Variants in TBC1D9B observed in about 807,000 individuals in gnomAD.
TBC1D9B encodes TBC1 domain family member 9B, also known as TBC1 domain family, member 9B (with GRAM domain).
In TBC1D9B, 87 loss-of-function variants were observed where a neutral mutation model predicts 121.1. The observed-to-expected ratio is 0.72, with a 90% confidence interval of 0.60 to 0.86. The LOEUF is 0.86. Among genes scored for constraint, TBC1D9B ranks in the 40% least tolerant of loss-of-function variants. The probability of loss-of-function intolerance (pLI) is 0.00; values close to 1 mark genes in which losing one functional copy is unlikely to be tolerated. For synonymous variants in TBC1D9B, 668 were observed against 670.1 expected (o/e 1.00, Z 0.05); for missense variants, 1,540 against 1,628.6 (o/e 0.95, Z 0.94).
chr5:179,887,710 A>G (rs1404014376), intron 7 of TBC1D9B: 1 of 246,898 alleles, frequency 4.1e-6, no homozygotes, highest in East Asian at 1.4e-4. Flanking sequence ...CTGGTACAAT[A>G]GTGATACTGC....
chr5:179,907,415 C>T lies in TBC1D9B; in HGVS notation c.118+289G>A, dbSNP rs900481980. Among the ~76,000 whole-genome samples, 2 of 151,420 alleles carry T rather than the reference C, an allele frequency of 1.3e-5. No homozygotes were observed. The highest frequency in any genetic ancestry group is 1.9e-4 in the East Asian group (1 of 5,136). On this transcript the variant is annotated intron_variant, in intron 1 of 20. Coordinates refer to ENST00000355235, the MANE Select transcript of TBC1D9B (RefSeq NM_015043.4). This position sits in a 1 kb window ranked among gnomAD's most constrained non-coding sequence, Gnocchi z 5.3. ...CCCCCGGGGCTCGCGGGCGCCGAAT[C>T]CGGGCAGAAGCCGCCGCCGGTCTCC...
In TBC1D9B at chr5:179,862,478, C is replaced by G. The variant is rs1759872246; in HGVS notation, c.*970G>C. On this transcript the variant is annotated 3_prime_UTR_variant, in exon 21 of 21. Transcript: ENST00000355235. ...AGGCCTGAGGATGCACTTCCTTCAC[C>G]AGGACCCACAACCCCTGCCCATGAA... 2.3e-6 allele frequency: 1 copy of G among 439,238 alleles called. No individual in the cohort carries two copies. 27.2% of individuals were successfully genotyped at this position (439,238 alleles called of 1,614,324 possible).
At chr5:179,879,018 G>C in intron 9 of TBC1D9B, 29 bp downstream of exon 9, 1 of 1,594,116 alleles carries the variant, frequency 6.3e-7, no homozygotes, top group Non-Finnish European at 8.5e-7. Flanking sequence ...TGGCTGAGCT[G>C]AGGCTGGGGG....
intron 15 of TBC1D9B, among the ~76,000 whole-genome samples, chr5:179,870,885 A>C (rs1197756843): frequency 6.6e-6 from 1 of 152,236 alleles, no homozygotes; most frequent in African/African-American, 2.4e-5. Flanking sequence ...ACAGCGCAGC[A>C]GCCACCTTGA....
chr5:179,865,413 C>T lies in TBC1D9B; in HGVS notation c.2915-53G>A. ...CTTTGTCATGTGAGACGGCTGCGGG[C>T]TGACAGCAGGGAGAGGAAGAGTTGG... is the stretch of plus-strand genomic sequence containing the variant. On this transcript the variant is annotated intron_variant, in intron 19 of 20. Coordinates refer to ENST00000355235, the MANE Select transcript of TBC1D9B (RefSeq NM_015043.4). The surrounding 1 kb of genome is among the most constrained non-coding windows in gnomAD (Gnocchi z 5.1). 1 of 1,544,856 alleles carries T rather than the reference C, an allele frequency of 6.5e-7. No homozygotes were observed. The highest frequency in any genetic ancestry group is 8.9e-7 in the Non-Finnish European group (1 of 1,117,872).
chr5:179,894,308 G>A, intron 4 of TBC1D9B, 78 bp downstream of exon 4: 1 of 1,330,992 alleles, frequency 7.5e-7, no homozygotes, highest in Non-Finnish European at 1.0e-6. Flanking sequence ...TGGCCATGTG[G>A]GGATGGAGTA....
At chr5:179,896,190 CA>C (rs1297868792) in intron 3 of TBC1D9B, among the ~76,000 whole-genome samples, 1 of 152,174 alleles carries the variant, frequency 6.6e-6, no homozygotes, top group Non-Finnish European at 1.5e-5. Flanking sequence ...AACCCAATTC[CA>C]ACTAAACTTT....
In TBC1D9B at chr5:179,874,806, G is replaced by C. The variant is rs557821990; in HGVS notation, c.2186+96C>G. 13 of 1,521,220 alleles carry C rather than the reference G, an allele frequency of 8.5e-6. No individual in the cohort carries two copies. The South Asian group carries it at 1.4e-4, about 16-fold the overall frequency. 94.2% of individuals were successfully genotyped at this position (1,521,220 alleles called of 1,614,324 possible). ...GGGTCCAGCTGCAGCCTGGCACTTG[G>C]TGGGCACAGTCACTTCAGGCTGACT... On this transcript the variant is annotated intron_variant, in intron 12 of 20. Coordinates refer to ENST00000355235, the MANE Select transcript of TBC1D9B (RefSeq NM_015043.4). The surrounding 1 kb of genome is among the most constrained non-coding windows in gnomAD (Gnocchi z 4.3).
In TBC1D9B at chr5:179,891,390, G is replaced by C; in HGVS notation, c.1033C>G (p.Pro345Ala). The C allele has an allele frequency of 6.2e-7, 1 of 1,614,244 alleles. No homozygotes were observed. Among genetic ancestry groups the C allele is most frequent in the Non-Finnish European group, 8.5e-7 (1 of 1,180,038 alleles). The change falls in exon 6 of 21, where the codon CCC becomes GCC. Residue 345 changes from proline (P) to alanine (A), a missense_variant. Transcript: ENST00000355235. The surrounding 1 kb of genome is among the most constrained non-coding windows in gnomAD (Gnocchi z 4.3). ...TAGGGGATGCTGACCTCCCTCAGGG[G>C]TATGATGAGGTGGCAAGCGTCCTCC... Reference protein sequence around the residue: ...KEEDACHLIIPLREVTIVEKA... With the variant: ...KEEDACHLIIALREVTIVEKA...
rs1354326853 is a variant in TBC1D9B at position 179,907,327 on chromosome 5, T to C, written c.118+377A>G. 6.6e-6 allele frequency among the ~76,000 whole-genome samples: 1 copy of C among 151,786 alleles called. No individual in the cohort carries two copies. Among genetic ancestry groups the C allele is most frequent in the Non-Finnish European group, 1.5e-5 (1 of 67,892 alleles). ...TTAGAGGCACCTGGGGAAACTGAGG[T>C]GGAGGATGAGGACAGGGCGGTCTCG... On this transcript the variant is annotated intron_variant, in intron 1 of 20. Coordinates refer to ENST00000355235, the MANE Select transcript of TBC1D9B (RefSeq NM_015043.4). The surrounding 1 kb of genome is among the most constrained non-coding windows in gnomAD (Gnocchi z 5.3).
intron 7 of TBC1D9B, among the ~76,000 whole-genome samples, chr5:179,884,699 C>T (rs951499316): frequency 2.0e-5 from 3 of 152,146 alleles, no homozygotes; most frequent in Non-Finnish European, 2.9e-5. Context: ...ATCTTGAGCA[C>T]GCTACAACAG....
At chr5:179,867,750 C>A in intron 18 of TBC1D9B, 28 bp downstream of exon 18, 1 of 1,598,940 alleles carries the variant, frequency 6.3e-7, no homozygotes, top group Non-Finnish European at 8.5e-7. Context: ...GCTGGCTGGG[C>A]ATGTCGGGTG....
intron 2 of TBC1D9B, among the ~76,000 whole-genome samples, chr5:179,899,661 C>T (rs1003862013): frequency 5.3e-5 from 8 of 152,184 alleles, no homozygotes; most frequent in African/African-American, 1.9e-4. Context: ...GTTGAAAGAA[C>T]TTAATGTGGC....
intron 5 of TBC1D9B, among the ~76,000 whole-genome samples, 166 bp downstream of exon 5, chr5:179,893,043 G>A (rs576511487): frequency 2.6e-5 from 4 of 152,328 alleles, no homozygotes; most frequent in South Asian, 4.1e-4. Context: ...CTCTCCACAC[G>A]GGACTGCAAT....
rs767378898 is a variant in TBC1D9B, at chr5:179,899,246, T to G, written c.291A>C (p.Thr97=). The part of the protein sequence containing the change: ...WEWLENNLLQ[T]LSIFDSEEDI... ...CTTCCTCACTGTCGAAGATGGACAG[T>G]GTCTGGAGCAAGTTATTTTCCAGCC... The change falls in exon 3 of 21, where the codon ACA becomes ACC. Residue 97 remains threonine (T), a synonymous_variant. Coordinates refer to ENST00000355235, the MANE Select transcript of TBC1D9B (RefSeq NM_015043.4). The G allele has an allele frequency of 2.0e-5, 33 of 1,613,896 alleles. No homozygotes were observed. The South Asian group carries it at 3.2e-4, about 16-fold the overall frequency.
chr5:179,879,274 T>G, intron 8 of TBC1D9B, 77 bp from the exon 9 acceptor site: 2 of 1,526,590 alleles, frequency 1.3e-6, no homozygotes, highest in Non-Finnish European at 1.8e-6. Context: ...CGCGGAAGCC[T>G]CGTGAACACT....
In TBC1D9B at chr5:179,867,836, C is replaced by T; in HGVS notation, c.2805G>A (p.Glu935=). 3 of 1,524,912 alleles carry T rather than the reference C, an allele frequency of 2.0e-6. No individual in the cohort carries two copies. The highest frequency in any genetic ancestry group is 2.6e-6 in the Non-Finnish European group (3 of 1,136,122). The allele number at this position is 1,524,912 out of a possible 1,614,324, so 94.5% of individuals were successfully genotyped here. The change falls in exon 18 of 21, where the codon GAG becomes GAA. Residue 935 remains glutamate (E), a synonymous_variant. Transcript: ENST00000355235. ...CCGCCTCCAGGGCTGACTCGGCTTC[C>T]TCTGGGCTCAGAGCTGTGCTTGGAG... ...KLHLPPALSP[E]EAESALEAAH... is the part of the protein sequence containing the mutation.
intron 7 of TBC1D9B, among the ~76,000 whole-genome samples, chr5:179,881,078 C>T (rs918535326): frequency 1.4e-4 from 21 of 152,084 alleles, no homozygotes; most frequent in Admixed American, 5.9e-4. Flanking sequence ...GCCAGACCGC[C>T]GGGTGTGTGG....
In TBC1D9B at chr5:179,885,484, G is replaced by A. The variant is rs10042937; in HGVS notation, c.1254+2619C>T. 0.019 allele frequency among the ~76,000 whole-genome samples: 2,917 copies of A among 152,184 alleles called. 62 individuals carry two copies. Among genetic ancestry groups the A allele is most frequent in the African/African-American group, 0.06 (2,490 of 41,512 alleles). On this transcript the variant is annotated intron_variant, in intron 7 of 20. Coordinates refer to ENST00000355235, the MANE Select transcript of TBC1D9B (RefSeq NM_015043.4). The surrounding 1 kb of genome is among the most constrained non-coding windows in gnomAD (Gnocchi z 4.5). Reference sequence around the variant, plus strand: ...GACGCCTGTAATCCCAGCTACTCGGGAGGCTGAGGCAGGAGAATCACTTGA... The same window carrying A: ...GACGCCTGTAATCCCAGCTACTCGGAAGGCTGAGGCAGGAGAATCACTTGA...
Sources: gnomAD v4.1 joint callset for allele counts (sites outside exome capture counted in the v4.1 genomes callset) on GRCh38, gnomAD v4.1.1 for gene constraint, Gnocchi (gnomAD v3.1) non-coding constraint, MANE v1.5 for transcripts, NCBI Gene and HGNC (gene_info 2026-07-23, HGNC 2026-07-21) for gene names.